Variants in AMZ2 observed in about 807,000 individuals in gnomAD.
The protein encoded by AMZ2 is archaelysin family metallopeptidase 2, also known as archaemetzincin-2.
A neutral mutation model predicts 36.7 loss-of-function variants in AMZ2; 26 were observed. That is an observed-to-expected ratio of 0.71 (90% CI 0.52 to 0.98). The LOEUF (loss-of-function observed/expected upper bound fraction) is 0.98. AMZ2 is among the 50% of genes least tolerant of loss of function. The probability of loss-of-function intolerance (pLI) is 0.00; values close to 1 mark genes in which losing one functional copy is unlikely to be tolerated. For missense variants in AMZ2, 394 were observed against 430.5 expected (o/e 0.92, Z 0.75); for synonymous variants, 144 against 149.1 (o/e 0.97, Z 0.25).
chr17:68,211,455 A>G (rs1555725880), intron 1 of AMZ2, among the ~76,000 whole-genome samples: 1 of 150,686 alleles, frequency 6.6e-6, no homozygotes, highest in Non-Finnish European at 1.5e-5. Context: ...GTGAGCCAAG[A>G]TTACACCACT....
Position 68,251,073 on chromosome 17 carries a change from A to C in AMZ2, c.481A>C (p.Lys161Gln). The C allele has an allele frequency of 1.9e-6, 3 of 1,611,538 alleles. No homozygotes were observed. The highest frequency in any genetic ancestry group is 3.4e-5 in the Admixed American group (2 of 59,348). Reference protein sequence around the residue: ...HAGDILKFLKKKKPEDAFCVV... With the variant: ...HAGDILKFLKQKKPEDAFCVV... ...AGGGGACATCCTGAAGTTCTTGAAAAAGAAGAAACCTGAAGATGCCTTCTG... is the reference window on the plus strand; with the variant it reads ...AGGGGACATCCTGAAGTTCTTGAAACAGAAGAAACCTGAAGATGCCTTCTG... The change falls in exon 4 of 7, where the codon AAG becomes CAG. Residue 161 changes from lysine to glutamine, a missense_variant. Coordinates refer to ENST00000359904, the MANE Select transcript of AMZ2 (RefSeq NM_016627.5).
chr17:68,225,837 C>T (rs531418867), intron 1 of AMZ2, among the ~76,000 whole-genome samples: 66 of 152,054 alleles, frequency 4.3e-4, no homozygotes, highest in African/African-American at 1.2e-3. Flanking sequence ...TTGTCCAGGC[C>T]GGTCTCGAAC....
At chr17:68,212,125 C>G (rs1255936900) in intron 1 of AMZ2, among the ~76,000 whole-genome samples, 1 of 152,152 alleles carries the variant, frequency 6.6e-6, no homozygotes, top group African/African-American at 2.4e-5. Context: ...AATCCCAGCA[C>G]TTTGGGAGGC....
intron 1 of AMZ2, among the ~76,000 whole-genome samples, chr17:68,225,544 G>A (rs113256931): frequency 3.3e-5 from 5 of 152,248 alleles, no homozygotes; most frequent in Middle Eastern, 3.4e-3. Context: ...GACTCAAGCC[G>A]AAGAGCAATA....
At chr17:68,214,813 A>G (rs570139558) in intron 1 of AMZ2, among the ~76,000 whole-genome samples, 2 of 149,280 alleles carry the variant, frequency 1.3e-5, no homozygotes, top group African/African-American at 4.9e-5. Flanking sequence ...ACAGGGTCTC[A>G]CTTTGTCACC....
intron 1 of AMZ2, among the ~76,000 whole-genome samples, chr17:68,218,111 C>A (rs1275192689): frequency 6.6e-6 from 1 of 151,028 alleles, no homozygotes; most frequent in Admixed American, 6.6e-5. Context: ...CGTGTCCGGC[C>A]AAAAAAAAGG....
At chr17:68,243,134 G>A (rs567916578), upstream of AMZ2, among the ~76,000 whole-genome samples, 12 of 146,798 alleles carry the variant, frequency 8.2e-5, no homozygotes, top group Non-Finnish European at 1.8e-4. Flanking sequence ...TATTGTCTTT[G>A]AGAAATGATT....
At chr17:68,247,945 G>T, upstream of AMZ2, 3 of 984,642 alleles carry the variant, frequency 3.0e-6, no homozygotes, top group Non-Finnish European at 3.6e-6. Context: ...GCGTGGCATG[G>T]GTGGGTCGTG....
chr17:68,254,121 T>C (rs1250066475), intron 4 of AMZ2, among the ~76,000 whole-genome samples: 1 of 152,232 alleles, frequency 6.6e-6, no homozygotes, highest in Non-Finnish European at 1.5e-5. Flanking sequence ...AGACTTCTTT[T>C]GTGGGAAAAG....
intron 1 of AMZ2, among the ~76,000 whole-genome samples, chr17:68,210,963 G>T (rs1555725760): frequency 6.9e-6 from 1 of 144,858 alleles, no homozygotes; most frequent in Non-Finnish European, 1.5e-5. Context: ...AAAAAGGGGG[G>T]GGGGGAGGTG....
chr17:68,209,358 T>A (rs1382136505), intron 1 of AMZ2, among the ~76,000 whole-genome samples: 2 of 151,778 alleles, frequency 1.3e-5, no homozygotes, highest in African/African-American at 2.4e-5. Flanking sequence ...CATGCCCGGC[T>A]AATTTTTGTG....
chr17:68,255,800 G>A lies in AMZ2; in HGVS notation c.851G>A (p.Arg284His), dbSNP rs573816812. Residue 284 changes from arginine (R) to histidine (H), a missense_variant, in exon 6 of 7, where the codon CGC (arginine) becomes CAC (histidine). Physicochemically the swap from Arg to His is conservative, Grantham distance 29 (BLOSUM62 0). Coordinates refer to ENST00000359904, the MANE Select transcript of AMZ2 (RefSeq NM_016627.5). ...GSNHLEEADR[R>H]PLNLCPICLH... The stretch of plus-strand genomic sequence containing the variant: ...AACCACTTGGAAGAAGCTGACCGGC[G>A]CCCTCTAAACCTTTGCCCTATCTGT... 1.4e-5 allele frequency: 23 copies of A among 1,614,168 alleles called. No homozygotes were observed. The highest frequency in any genetic ancestry group is 5.3e-5 in the African/African-American group (4 of 75,052).
chr17:68,250,286 A>G lies in AMZ2; in HGVS notation c.99A>G (p.Glu33=). The stretch of plus-strand genomic sequence containing the variant: ...AGTATGAGAAATTAAATGCTGGGGA[A>G]CAACGTTTAATGAATGAAGCCTTCC... The part of the protein sequence containing the change: ...VSQYEKLNAG[E]QRLMNEAFQP... Residue 33 remains glutamate (E), a synonymous_variant, in exon 2 of 7, where the codon GAA becomes GAG. Transcript: ENST00000359904. 1 of 1,614,208 alleles carries G rather than the reference A, an allele frequency of 6.2e-7. No homozygotes were observed. Among genetic ancestry groups the G allele is most frequent in the Non-Finnish European group, 8.5e-7 (1 of 1,180,032 alleles).
chr17:68,246,594 G>T (rs1266112121), upstream of AMZ2: 7 of 152,204 alleles, frequency 4.6e-5, no homozygotes, highest in Non-Finnish European at 8.8e-5. Context: ...TGGCGCATCG[G>T]TATTCTCAAC....
chr17:68,222,390 G>A (rs2073390518), intron 1 of AMZ2, among the ~76,000 whole-genome samples: 1 of 152,230 alleles, frequency 6.6e-6, no homozygotes, highest in Non-Finnish European at 1.5e-5. Context: ...ATTGTTCTAG[G>A]GCAGTGGTCC....
intron 1 of AMZ2, among the ~76,000 whole-genome samples, chr17:68,213,320 A>G (rs1372605429): frequency 6.6e-6 from 1 of 152,258 alleles, no homozygotes; most frequent in East Asian, 1.9e-4. Context: ...AGGATTTAAA[A>G]AATCATAATA....
chr17:68,207,824 G>A (rs1457694526), intron 1 of AMZ2, among the ~76,000 whole-genome samples: 2 of 151,214 alleles, frequency 1.3e-5, no homozygotes, highest in African/African-American at 2.4e-5. Flanking sequence ...CAAGGCTGGA[G>A]CCGGCTCCCT....
At chr17:68,209,632 A>ATATATATATATATATATGTATATATATAT in intron 1 of AMZ2, among the ~76,000 whole-genome samples, 1 of 90,688 alleles carries the variant, frequency 1.1e-5, no homozygotes. Context: ...ATATATATAT[A>ATATATATATATATATATGTATATATATAT]TTTTTTTTTT....
intron 1 of AMZ2, among the ~76,000 whole-genome samples, chr17:68,209,604 G>A (rs58347925): frequency 0.022 from 2,581 of 116,776 alleles, 30 homozygotes; most frequent in Middle Eastern, 0.048. Context: ...GTGTGTGTGT[G>A]TATATGTATA....
Sources: gnomAD v4.1 joint callset for allele counts (sites outside exome capture counted in the v4.1 genomes callset) on GRCh38, gnomAD v4.1.1 for gene constraint, MANE v1.5 for transcripts, NCBI Gene and HGNC (gene_info 2026-07-23, HGNC 2026-07-21) for gene names.